PGAP1: variants seen among roughly 807,000 people sequenced by gnomAD.
PGAP1 encodes post-GPI attachment to proteins inositol deacylase 1.
PGAP1 carries 76 observed loss-of-function variants against 127.0 expected under a neutral mutation model. The observed-to-expected ratio is 0.60, with a 90% confidence interval of 0.50 to 0.72. PGAP1 has a LOEUF of 0.72. Ranked by LOEUF, PGAP1 falls within the 30% of genes least tolerant of loss-of-function variation. The pLI is 0.00. For missense variants in PGAP1, 982 were observed against 1,071.3 expected (o/e 0.92, Z 1.16); for synonymous variants, 362 against 366.5 (o/e 0.99, Z 0.14).
At chr2:196,848,731 C>T (rs1250121692) in intron 20 of PGAP1, among the ~76,000 whole-genome samples, 1 of 151,982 alleles carries the variant, frequency 6.6e-6, no homozygotes, top group Non-Finnish European at 1.5e-5. Flanking sequence ...GTTGTTTCTG[C>T]TTTTTGGCTG....
intron 13 of PGAP1, among the ~76,000 whole-genome samples, chr2:196,876,666 T>G (rs1701579269): frequency 6.6e-6 from 1 of 152,128 alleles, no homozygotes; most frequent in South Asian, 2.1e-4. Flanking sequence ...AGCAAGTAGT[T>G]TGCTGTCTAC....
chr2:196,902,601 C>G lies in PGAP1; in HGVS notation c.791G>C (p.Ser264Thr), dbSNP rs1702533866. 2 of 1,611,252 alleles carry G rather than the reference C, an allele frequency of 1.2e-6. No homozygotes were observed. Among genetic ancestry groups the G allele is most frequent in the Non-Finnish European group, 1.7e-6 (2 of 1,179,092 alleles). ...AAAGATTACCACAACAGATAAGGCACTGGTATGATGGCTTAATTTTGGTAG... is the reference window on the plus strand; with the variant it reads ...AAAGATTACCACAACAGATAAGGCAGTGGTATGATGGCTTAATTTTGGTAG... ...TFLPKLSHHT[S>T]ALSVVSSAVP... Residue 264 changes from serine (S) to threonine (T), a missense_variant, in exon 5 of 27, where the codon AGT (serine) becomes ACT (threonine). Physicochemically the swap from Ser to Thr is moderately conservative, Grantham distance 58 (BLOSUM62 1). Transcript: ENST00000354764.
chr2:196,912,312 A>G (rs1020641059), intron 4 of PGAP1, among the ~76,000 whole-genome samples: 2 of 152,160 alleles, frequency 1.3e-5, no homozygotes, highest in Admixed American at 6.5e-5. Flanking sequence ...GTTTAAACAC[A>G]TCTTAAGAGA....
chr2:196,892,830 G>T (rs910604186), intron 8 of PGAP1, among the ~76,000 whole-genome samples: 4 of 152,016 alleles, frequency 2.6e-5, no homozygotes, highest in South Asian at 2.1e-4. Context: ...AAGGAGTCAA[G>T]AATAATATGG....
At chr2:196,894,656 G>T (rs1299808032) in intron 7 of PGAP1, among the ~76,000 whole-genome samples, 1 of 152,078 alleles carries the variant, frequency 6.6e-6, no homozygotes, top group Non-Finnish European at 1.5e-5. Context: ...CAAAAAATTA[G>T]CCGGGTATGG....
intron 7 of PGAP1, among the ~76,000 whole-genome samples, chr2:196,896,221 T>C (rs1191299530): frequency 5.3e-5 from 8 of 152,220 alleles, no homozygotes; most frequent in Admixed American, 6.5e-5. Context: ...GAGTTTACAC[T>C]GTGAAATCAA....
chr2:196,891,569 G>C (rs1702101359), intron 9 of PGAP1, among the ~76,000 whole-genome samples: 1 of 152,064 alleles, frequency 6.6e-6, no homozygotes, highest in African/African-American at 2.4e-5. Context: ...TCACTAATAA[G>C]AGGAAGCTTG....
At position 196,916,462 on chromosome 2, in the gene PGAP1, T is replaced by C; in HGVS notation, c.433A>G (p.Lys145Glu). 6.2e-7 allele frequency: 1 copy of C among 1,613,328 alleles called. No homozygotes were observed. Among genetic ancestry groups the C allele is most frequent in the Non-Finnish European group, 8.5e-7 (1 of 1,179,670 alleles). ...LYGGSLQKQT[K>E]FVHECIKTIL... ...GTTTTAATACATTCATGTACAAACT[T>C]GGTCTGCTTCTGAAGACTTCCACCA... Residue 145 changes from lysine (K) to glutamate (E), a missense_variant, in exon 3 of 27, where the codon AAG (lysine) becomes GAG (glutamate). Coordinates refer to ENST00000354764, the MANE Select transcript of PGAP1 (RefSeq NM_024989.4).
chr2:196,911,846 A>T (rs945207238), intron 4 of PGAP1, among the ~76,000 whole-genome samples: 2 of 152,118 alleles, frequency 1.3e-5, no homozygotes, highest in Admixed American at 6.6e-5. Context: ...TCAATCACAA[A>T]CTCCTACTTT....
At chr2:196,918,474 C>A (rs1409392168) in intron 2 of PGAP1, among the ~76,000 whole-genome samples, 1 of 152,024 alleles carries the variant, frequency 6.6e-6, no homozygotes, top group African/African-American at 2.4e-5. Context: ...TATAGTCATA[C>A]TACAGAATAA....
At chr2:196,864,276 G>C (rs1313823042) in intron 20 of PGAP1, among the ~76,000 whole-genome samples, 1 of 150,122 alleles carries the variant, frequency 6.7e-6, no homozygotes, top group East Asian at 2.0e-4. Context: ...TGTAATCCCA[G>C]CTACTTGGGA....
intron 12 of PGAP1, 75 bp from the exon 13 acceptor site, chr2:196,880,228 T>C (rs1315535297): frequency 3.4e-6 from 3 of 890,160 alleles, no homozygotes; most frequent in East Asian, 6.1e-5. Flanking sequence ...AAATAACACT[T>C]ATTTCTTACT....
At chr2:196,893,345 C>G in intron 7 of PGAP1, 100 bp from the exon 8 acceptor site, 1 of 618,290 alleles carries the variant, frequency 1.6e-6, no homozygotes, top group South Asian at 2.1e-5. Context: ...ACATTTATTA[C>G]TCTGAGCCAG....
rs766316116 is a variant in PGAP1 at position 196,913,070 on chromosome 2, C to T, written c.478-17G>A. The T allele has an allele frequency of 1.9e-6, 3 of 1,584,846 alleles. No homozygotes were observed. In the South Asian group the frequency reaches 3.5e-5, roughly 18 times the overall value. On this transcript the variant is annotated splice_polypyrimidine_tract_variant and intron_variant, in intron 3 of 26. Transcript: ENST00000354764. ...TTCTTGACCCTATTAAAATAAATCA[C>T]CAGGTCATAATTGCGGCTTTGTATC...
intron 10 of PGAP1, 44 bp downstream of exon 10, chr2:196,890,784 C>T: frequency 9.0e-7 from 1 of 1,115,212 alleles, no homozygotes; most frequent in Non-Finnish European, 1.3e-6. Flanking sequence ...AAATGAACAA[C>T]AGTTAGCCTC....
intron 12 of PGAP1, among the ~76,000 whole-genome samples, chr2:196,884,323 C>T (rs573728565): frequency 7.9e-5 from 12 of 152,194 alleles, no homozygotes; most frequent in African/African-American, 2.6e-4. Flanking sequence ...TATCCTAACA[C>T]TTTTGTTTGT....
chr2:196,840,902 T>G lies in PGAP1; in HGVS notation c.*332A>C, dbSNP rs1251731257. On this transcript the variant is annotated 3_prime_UTR_variant, in exon 27 of 27. Coordinates refer to ENST00000354764, the MANE Select transcript of PGAP1 (RefSeq NM_024989.4). The stretch of plus-strand genomic sequence containing the variant: ...CTTGCAGTGAGACTGCAAATAATGC[T>G]GCATCTACTAAATCTCTCATATCAG... 1.0e-5 allele frequency: 2 copies of G among 191,338 alleles called. No homozygotes were observed. Among genetic ancestry groups the G allele is most frequent in the African/African-American group, 4.6e-5 (2 of 43,098 alleles). 11.9% of individuals were successfully genotyped at this position (191,338 alleles called of 1,614,324 possible). A position where few individuals can be genotyped will look rare whatever the true frequency, so the allele number is the denominator to read the frequency against.
intron 10 of PGAP1, among the ~76,000 whole-genome samples, chr2:196,887,979 C>T (rs757962920): frequency 2.0e-5 from 3 of 152,186 alleles, no homozygotes; most frequent in Non-Finnish European, 4.4e-5. Flanking sequence ...GGCCTATCCT[C>T]AAAGGTAACC....
intron 12 of PGAP1, among the ~76,000 whole-genome samples, chr2:196,884,276 A>G (rs1315098546): frequency 6.6e-6 from 1 of 152,202 alleles, no homozygotes; most frequent in Admixed American, 6.5e-5. Context: ...TTGAGGAAAT[A>G]TTTAATAACA....
Sources: gnomAD v4.1 joint callset for allele counts (sites outside exome capture counted in the v4.1 genomes callset) on GRCh38, gnomAD v4.1.1 for gene constraint, MANE v1.5 for transcripts, NCBI Gene and HGNC (gene_info 2026-07-23, HGNC 2026-07-21) for gene names.